LCT: variants seen among roughly 807,000 people sequenced by gnomAD.
The protein encoded by LCT is lactase/phlorizin hydrolase.
Under a neutral mutation model 173.0 loss-of-function variants are expected in LCT, and 90 were observed. That is an observed-to-expected ratio of 0.52 (90% confidence interval 0.44 to 0.62). The LOEUF is 0.62. Among genes scored for constraint, LCT ranks in the 20% least tolerant of loss-of-function variants. The probability of loss-of-function intolerance (pLI) is 0.00; values close to 1 mark genes in which losing one functional copy is unlikely to be tolerated. For synonymous variants in LCT, 853 were observed against 957.6 expected, an observed-to-expected ratio of 0.89 and a Z score of 2.02; for missense variants, 1,864 against 2,431.4, an observed-to-expected ratio of 0.77 and a Z score of 4.91.
chr2:135,812,960 G>T lies in LCT; in HGVS notation c.1708-4C>A. Reference sequence around the variant, plus strand: ...CCTTGAGGACCAAGTGAGCCACCTTGTGAAAAAGTAAGAAGGAAATACAGT... The same window carrying T: ...CCTTGAGGACCAAGTGAGCCACCTTTTGAAAAAGTAAGAAGGAAATACAGT... On this transcript the variant is annotated splice_polypyrimidine_tract_variant and splice_region_variant and intron_variant, in intron 6 of 16. Transcript: ENST00000264162. 1 of 1,613,674 alleles carries T rather than the reference G, an allele frequency of 6.2e-7. No homozygotes were observed. Among genetic ancestry groups the T allele is most frequent in the Non-Finnish European group, 8.5e-7 (1 of 1,179,730 alleles).
At chr2:135,813,788 G>T (rs2077755137) in intron 6 of LCT, among the ~76,000 whole-genome samples, 1 of 152,158 alleles carries the variant, frequency 6.6e-6, no homozygotes. Context: ...GGGAGAGGAG[G>T]GCTCTTTCTT....
In LCT at chr2:135,808,970, G is replaced by T. The variant is rs746588859; in HGVS notation, c.3377C>A (p.Thr1126Lys). Residue 1126 changes from threonine to lysine, a missense_variant, in exon 8 of 17, where the codon ACA becomes AAA. This residue lies in a region of LCT where 755 missense variants were observed against 926.3 expected (regional missense o/e 0.82). Coordinates refer to ENST00000264162, the MANE Select transcript of LCT (RefSeq NM_002299.4). The stretch of plus-strand genomic sequence containing the variant: ...TGGTGACTTGGGCTCTGCCCAGTGT[G>T]TACTGAGGCTCAGCGAGATGACCCC... The part of the protein sequence containing the change: ...QKGVISLSLS[T>K]HWAEPKSPGV... The T allele has an allele frequency of 6.2e-7, 1 of 1,612,802 alleles. No homozygotes were observed. The highest frequency in any genetic ancestry group is 1.7e-5 in the Admixed American group (1 of 59,956).
At chr2:135,807,618 T>G (rs1261348699) in intron 8 of LCT, among the ~76,000 whole-genome samples, 1 of 152,092 alleles carries the variant, frequency 6.6e-6, no homozygotes, top group Non-Finnish European at 1.5e-5. Flanking sequence ...ATTCTTCTCT[T>G]GGGGTAAAGA....
chr2:135,791,937 G>A (rs557165245), intron 14 of LCT, among the ~76,000 whole-genome samples: 2 of 152,352 alleles, frequency 1.3e-5, no homozygotes, highest in Admixed American at 6.5e-5. Flanking sequence ...AGTGTGTGGA[G>A]ACTCACATTG....
chr2:135,793,313 C>T (rs1003808648), intron 14 of LCT, among the ~76,000 whole-genome samples: 2 of 152,184 alleles, frequency 1.3e-5, no homozygotes, highest in African/African-American at 2.4e-5. Flanking sequence ...GCAGACATTC[C>T]TCAGCACCAG....
Position 135,803,940 on chromosome 2 carries a change from T to C in LCT, c.4653A>G (p.Thr1551=). The C allele has an allele frequency of 1.9e-6, 3 of 1,613,864 alleles. No individual in the cohort carries two copies. The highest frequency in any genetic ancestry group is 2.5e-6 in the Non-Finnish European group (3 of 1,179,890). Residue 1551 remains threonine, a synonymous_variant, in exon 11 of 17, where the codon ACA becomes ACG. Coordinates refer to ENST00000264162, the MANE Select transcript of LCT (RefSeq NM_002299.4). ...AGGGCTGGGACTTACCTGGAGCTGC[T>C]GTTCCGTAGCCATAGCCCTGGTAAG... ...VIAYQGYGYG[T]AAPGVSNRPG...
intron 3 of LCT, among the ~76,000 whole-genome samples, chr2:135,829,006 C>T (rs1286389511): frequency 6.6e-6 from 1 of 152,126 alleles, no homozygotes; most frequent in Non-Finnish European, 1.5e-5. Flanking sequence ...ACGTGACCAA[C>T]ATGGTGAATC....
At chr2:135,834,407 G>C (rs151106212) in intron 1 of LCT, among the ~76,000 whole-genome samples, 3,604 of 150,546 alleles carry the variant, frequency 0.024, 127 homozygotes, top group African/African-American at 0.082. Context: ...GGATGGTCTC[G>C]ATCTTCTGAC....
Position 135,808,502 on chromosome 2 carries a change from T to C in LCT, c.3845A>G (p.Asn1282Ser). The C allele has an allele frequency of 6.2e-7, 1 of 1,614,244 alleles. No individual in the cohort carries two copies. The highest frequency in any genetic ancestry group is 8.5e-7 in the Non-Finnish European group (1 of 1,180,038). Residue 1282 changes from asparagine (N) to serine (S), a missense_variant, in exon 8 of 17, where the codon AAC (asparagine) becomes AGC (serine). Physicochemically the swap from Asn to Ser is conservative, Grantham distance 46. Coordinates refer to ENST00000264162, the MANE Select transcript of LCT (RefSeq NM_002299.4). Reference sequence around the variant, plus strand: ...AAATATCCTATCAGTATCCTCCGTGTTCGGATTGGTCAGCCCCACTCCGTT... The same window carrying C: ...AAATATCCTATCAGTATCCTCCGTGCTCGGATTGGTCAGCCCCACTCCGTT... ...TENGVGLTNP[N>S]TEDTDRIFYH...
chr2:135,813,079 T>A, intron 6 of LCT, 123 bp from the exon 7 acceptor site: 1 of 868,036 alleles, frequency 1.2e-6, no homozygotes, highest in Non-Finnish European at 1.9e-6. Flanking sequence ...ACAACAACAT[T>A]GACATTGTCA....
intron 9 of LCT, among the ~76,000 whole-genome samples, chr2:135,806,170 T>C (rs1422753579): frequency 6.6e-6 from 1 of 152,104 alleles, no homozygotes; most frequent in Non-Finnish European, 1.5e-5. Context: ...GATTTTTTTA[T>C]AGAGATAGGG....
intron 2 of LCT, among the ~76,000 whole-genome samples, chr2:135,831,944 T>C (rs9636223): frequency 0.98 from 149,468 of 152,316 alleles, 73,387 homozygotes; most frequent in East Asian, 1. Context: ...AAGGCTGGCG[T>C]GGTGGCTCAA....
chr2:135,828,111 G>A (rs953681208), intron 3 of LCT, among the ~76,000 whole-genome samples: 8 of 152,094 alleles, frequency 5.3e-5, no homozygotes, highest in Non-Finnish European at 7.4e-5. Context: ...TGCAACCTCC[G>A]CCTCCCAGGT....
chr2:135,825,648 C>T (rs924800657), intron 3 of LCT, among the ~76,000 whole-genome samples: 65 of 152,152 alleles, frequency 4.3e-4, no homozygotes, highest in African/African-American at 8.0e-4. Context: ...TGGAGTGTGC[C>T]GCAGCTCTTC....
intron 1 of LCT, among the ~76,000 whole-genome samples, chr2:135,835,506 A>ATG (rs2077979843): frequency 1.4e-5 from 1 of 70,320 alleles, no homozygotes; most frequent in Non-Finnish European, 2.4e-5. Context: ...ATATATATAT[A>ATG]TATATATATA....
chr2:135,819,015 C>G (rs933312922), intron 5 of LCT, among the ~76,000 whole-genome samples: 1 of 152,188 alleles, frequency 6.6e-6, no homozygotes, highest in Non-Finnish European at 1.5e-5. Flanking sequence ...CATCCTGAAC[C>G]ATGAGGTAGA....
Position 135,789,882 on chromosome 2 carries a change from A to G in LCT, c.5336-84T>C, listed in dbSNP as rs1432723809. On this transcript the variant is annotated intron_variant, in intron 15 of 16. Coordinates refer to ENST00000264162, the MANE Select transcript of LCT (RefSeq NM_002299.4). ...AGGCCTTCGGAAGCCAGGTCTGCCT[A>G]CTGCTCTCCCCACCGCCTTCACAGA... 3.8e-6 allele frequency: 4 copies of G among 1,044,856 alleles called. No individual in the cohort carries two copies. The South Asian group carries it at 5.1e-5, about 13-fold the overall frequency. The allele number at this position is 1,044,856 out of a possible 1,614,324, so 64.7% of individuals were successfully genotyped here. A position where few individuals can be genotyped will look rare whatever the true frequency, so the allele number is the denominator to read the frequency against.
chr2:135,808,461 T>C lies in LCT; in HGVS notation c.3886A>G (p.Ile1296Val). The change falls in exon 8 of 17, where the codon ATC becomes GTC. Residue 1296 changes from isoleucine (I) to valine (V), a missense_variant. Ile to Val is a conservative substitution (Grantham distance 29). This residue lies in a region of LCT where 755 missense variants were observed against 926.3 expected (regional missense o/e 0.82). Transcript: ENST00000264162. ...TDRIFYHKTY[I>V]NEALKAYRLD... ...CACACACCTTTCAAAGCCTCATTGA[T>C]GTAGGTTTTGTGGTAAAATATCCTA... 6.2e-7 allele frequency: 1 copy of C among 1,613,424 alleles called. No individual in the cohort carries two copies. Among genetic ancestry groups the C allele is most frequent in the African/African-American group, 1.3e-5 (1 of 75,044 alleles).
intron 3 of LCT, among the ~76,000 whole-genome samples, chr2:135,828,118 A>G (rs1352939676): frequency 6.6e-6 from 1 of 152,070 alleles, no homozygotes; most frequent in Non-Finnish European, 1.5e-5. Context: ...TCCGCCTCCC[A>G]GGTTCAAGTG....
Sources: allele counts gnomAD v4.1 joint callset (sites outside exome capture counted in the v4.1 genomes callset), GRCh38; gene constraint gnomAD v4.1.1; regional missense constraint gnomAD v4.1.1; transcripts MANE v1.5; gene names NCBI Gene and HGNC (gene_info 2026-07-23, HGNC 2026-07-21).